CCDC47: variants seen among roughly 807,000 people sequenced by gnomAD.
CCDC47 encodes coiled-coil domain containing 47.
In CCDC47, 41 loss-of-function variants were observed where a neutral mutation model predicts 60.5. The observed-to-expected ratio is 0.68, with a 90% CI of 0.53 to 0.88. CCDC47 has a LOEUF of 0.88. CCDC47 is among the 40% of genes least tolerant of loss of function. The probability of loss-of-function intolerance (pLI) is 0.00; values close to 1 mark genes in which losing one functional copy is unlikely to be tolerated. For missense variants in CCDC47, 513 were observed against 580.9 expected (o/e 0.88, Z 1.20); for synonymous variants, 195 against 190.7 (o/e 1.02, Z -0.18).
In CCDC47 at chr17:63,746,776, A is replaced by G; in HGVS notation, c.*105T>C. The stretch of plus-strand genomic sequence containing the variant: ...TGAAATAAGGATTTCTCAGTTGCCC[A>G]AGACTGTCTGAAATTTAAGGTTGAG... On this transcript the variant is annotated 3_prime_UTR_variant, in exon 13 of 13. Transcript: ENST00000225726. The G allele has an allele frequency of 2.3e-6, 2 of 870,776 alleles. No homozygotes were observed. The highest frequency in any genetic ancestry group is 3.8e-6 in the Non-Finnish European group (2 of 525,472). 53.9% of individuals were successfully genotyped at this position (870,776 alleles called of 1,614,324 possible).
intron 1 of CCDC47, among the ~76,000 whole-genome samples, chr17:63,771,977 G>T (rs1431343369): frequency 6.6e-6 from 1 of 152,064 alleles, no homozygotes; most frequent in Admixed American, 6.6e-5. Flanking sequence ...AGCTACTCGG[G>T]ACGCTGAGGC....
Position 63,751,932 on chromosome 17 carries a change from T to C in CCDC47, c.1371+8A>G, listed in dbSNP as rs199808214. The stretch of plus-strand genomic sequence containing the variant: ...CGTAGTTTTACCCCAGTGATAAGTT[T>C]GTCTAACCTCCAGCCTGCGCTGTTT... On this transcript the variant is annotated splice_region_variant and intron_variant, in intron 12 of 12. Coordinates refer to ENST00000225726, the MANE Select transcript of CCDC47 (RefSeq NM_020198.3). 1.0e-4 allele frequency: 161 copies of C among 1,613,754 alleles called. 1 individual carries two copies. In the African/African-American group the frequency reaches 2.1e-3, roughly 21 times the overall value.
In CCDC47 at chr17:63,762,693, G is replaced by T. The variant is rs189082521; in HGVS notation, c.547+1323C>A. On this transcript the variant is annotated intron_variant, in intron 4 of 12. Coordinates refer to ENST00000225726, the MANE Select transcript of CCDC47 (RefSeq NM_020198.3). ...TTGAAGTCCTTCAATGTATATTTCA[G>T]CAGTGGATCCAAAACTCAAGTGTCA... 4.3e-3 allele frequency among the ~76,000 whole-genome samples: 652 copies of T among 152,250 alleles called. 6 individuals are homozygous for T. Among genetic ancestry groups the T allele is most frequent in the African/African-American group, 0.014 (588 of 41,532 alleles).
Position 63,754,424 on chromosome 17 carries a change from T to G in CCDC47, c.1034+9A>C. On this transcript the variant is annotated intron_variant, in intron 9 of 12. Coordinates refer to ENST00000225726, the MANE Select transcript of CCDC47 (RefSeq NM_020198.3). ...AAAATTAATTTCAACAATTTTATCT[T>G]ATACGTACTCTTGCATAATTTTTGG... is the stretch of plus-strand genomic sequence containing the variant. 1 of 1,531,392 alleles carries G rather than the reference T, an allele frequency of 6.5e-7. No homozygotes were observed. Among genetic ancestry groups the G allele is most frequent in the Non-Finnish European group, 9.0e-7 (1 of 1,108,094 alleles). 94.9% of individuals were successfully genotyped at this position (1,531,392 alleles called of 1,614,324 possible). A position where few individuals can be genotyped will look rare whatever the true frequency, so the allele number is the denominator to read the frequency against.
chr17:63,753,474 G>T, intron 9 of CCDC47: 2 of 222,276 alleles, frequency 9.0e-6, no homozygotes, highest in Non-Finnish European at 1.5e-5. Flanking sequence ...AATCCAGATT[G>T]GCTTGAATTG....
chr17:63,752,268 AGAAGAAAC>A, intron 11 of CCDC47, 44 bp downstream of exon 11: 1 of 1,469,076 alleles, frequency 6.8e-7, no homozygotes, highest in Non-Finnish European at 9.5e-7. Flanking sequence ...CTCCCCCTTG[AGAAGAAAC>A]AAAAAAAGGT....
At position 63,760,105 on chromosome 17, in the gene CCDC47, T is replaced by C. The variant is rs181061351; in HGVS notation, c.735+809A>G. ...AAGAAACAATGAAGAAGGAATGTGG[T>C]ATTTGTGACAAAGGACACAATTTGC... is the stretch of plus-strand genomic sequence containing the variant. On this transcript the variant is annotated intron_variant, in intron 6 of 12. Coordinates refer to ENST00000225726, the MANE Select transcript of CCDC47 (RefSeq NM_020198.3). Among the ~76,000 whole-genome samples the C allele has an allele frequency of 6.0e-5, 9 of 150,452 alleles. No homozygotes were observed. The East Asian group carries it at 1.6e-3, about 26-fold the overall frequency.
At chr17:63,769,083 CAAAA>C (rs531547773) in intron 1 of CCDC47, among the ~76,000 whole-genome samples, 4 of 94,622 alleles carry the variant, frequency 4.2e-5, no homozygotes, top group South Asian at 3.2e-4. Flanking sequence ...GACTCTGTCT[CAAAA>C]AAAAAAAAAA....
rs755333795 is a variant in CCDC47, at chr17:63,752,848, T to A, written c.1035-49A>T. 5.0e-6 allele frequency: 8 copies of A among 1,592,526 alleles called. No individual in the cohort carries two copies. In the South Asian group the frequency reaches 9.1e-5, roughly 18 times the overall value. On this transcript the variant is annotated intron_variant, in intron 9 of 12. Coordinates refer to ENST00000225726, the MANE Select transcript of CCDC47 (RefSeq NM_020198.3). ...AAGAAGGAATACAAGAAAGATGTTT[T>A]CCATGTACACAAGTCACCCAATACA...
At chr17:63,773,351 C>CG (rs1184134081) in intron 1 of CCDC47, 61 bp downstream of exon 1, 1 of 152,326 alleles carries the variant, frequency 6.6e-6, no homozygotes, top group African/African-American at 2.4e-5. Context: ...CCAAGCAACT[C>CG]GGAGTCACCG....
intron 12 of CCDC47, among the ~76,000 whole-genome samples, chr17:63,748,568 A>G (rs1229446013): frequency 1.3e-5 from 2 of 151,980 alleles, no homozygotes; most frequent in Non-Finnish European, 2.9e-5. Context: ...TACCTTCACC[A>G]CATTCACTCT....
intron 1 of CCDC47, chr17:63,767,041 C>T (rs2039303076): frequency 1.9e-6 from 1 of 529,174 alleles, no homozygotes; most frequent in South Asian, 8.3e-5. Context: ...ATCCTCATAA[C>T]AACCCTCTAA....
At chr17:63,761,403 CG>C (rs751174860) in intron 4 of CCDC47, 52 bp from the exon 5 acceptor site, 1 of 1,601,792 alleles carries the variant, frequency 6.2e-7, no homozygotes, top group Non-Finnish European at 8.5e-7. Flanking sequence ...AAGGCCGGGC[CG>C]GGGGTGGTGG....
rs566757963 is a variant in CCDC47 at position 63,771,439 on chromosome 17, C to T, written c.-20+1973G>A. On this transcript the variant is annotated intron_variant, in intron 1 of 12. Transcript: ENST00000225726. ...CCATACATATCAAGGGAGAACTAAA[C>T]ATTCTTTTTATACTAGTTGATCCTT... 2.1e-4 allele frequency among the ~76,000 whole-genome samples: 32 copies of T among 152,208 alleles called. No individual in the cohort carries two copies. In the East Asian group the frequency reaches 5.0e-3, roughly 24 times the overall value.
At chr17:63,770,809 A>C (rs1257426150) in intron 1 of CCDC47, among the ~76,000 whole-genome samples, 1 of 151,582 alleles carries the variant, frequency 6.6e-6, no homozygotes, top group Non-Finnish European at 1.5e-5. Context: ...AACATGGTGA[A>C]ATCCCGTCTC....
chr17:63,754,221 A>G (rs2039188094), intron 9 of CCDC47, among the ~76,000 whole-genome samples: 1 of 152,200 alleles, frequency 6.6e-6, no homozygotes, highest in African/African-American at 2.4e-5. Flanking sequence ...GCAGGGACAC[A>G]TACAAACTGG....
chr17:63,746,987 G>C, intron 12 of CCDC47, 26 bp from the exon 13 acceptor site: 6 of 1,610,932 alleles, frequency 3.7e-6, no homozygotes, highest in Non-Finnish European at 5.1e-6. Flanking sequence ...GTAATAAATA[G>C]AGAAAGGGAG....
chr17:63,759,587 T>G (rs2039241023), intron 6 of CCDC47, among the ~76,000 whole-genome samples: 2 of 112,420 alleles, frequency 1.8e-5, no homozygotes, highest in African/African-American at 3.0e-5. Flanking sequence ...AAAACAATGA[T>G]TTTCAATCCA....
chr17:63,749,453 GAAAAAAAA>G (rs34119562), intron 12 of CCDC47, among the ~76,000 whole-genome samples: 1 of 101,296 alleles, frequency 9.9e-6, no homozygotes, highest in African/African-American at 3.4e-5. Context: ...CCAGAATAAG[GAAAAAAAA>G]AAAAAAAAAA....
Sources: gnomAD v4.1 joint callset for allele counts (sites outside exome capture counted in the v4.1 genomes callset) on GRCh38, gnomAD v4.1.1 for gene constraint, MANE v1.5 for transcripts, NCBI Gene and HGNC (gene_info 2026-07-23, HGNC 2026-07-21) for gene names.